SEMA6A: variants seen among roughly 807,000 people sequenced by gnomAD.
SEMA6A encodes the protein semaphorin-6A.
SEMA6A carries 25 observed loss-of-function variants against 96.8 expected under a neutral mutation model. That is an observed-to-expected ratio of 0.26 (90% confidence interval 0.19 to 0.36). The LOEUF is 0.36. SEMA6A is among the 10% of genes least tolerant of loss of function. The pLI is 1.00. For synonymous variants in SEMA6A, 612 were observed against 518.0 expected (o/e 1.18, Z -2.46); for missense variants, 1,363 against 1,323.1 (o/e 1.03, Z -0.47).
chr5:116,446,493 T>A lies in SEMA6A; in HGVS notation c.*120A>T. The A allele has an allele frequency of 1.1e-6, 1 of 877,286 alleles. No individual in the cohort carries two copies. Among genetic ancestry groups the A allele is most frequent in the Non-Finnish European group, 1.7e-6 (1 of 598,818 alleles). 54.3% of individuals were successfully genotyped at this position (877,286 alleles called of 1,614,324 possible). A position where few individuals can be genotyped will look rare whatever the true frequency, so the allele number is the denominator to read the frequency against. On this transcript the variant is annotated 3_prime_UTR_variant, in exon 19 of 19. Transcript: ENST00000343348. ...TCCCAGAGAGGAGGACCCAGCGTCCTCGGCTCTGCCGCAGGCCTTCTTGGT... is the reference window on the plus strand; with the variant it reads ...TCCCAGAGAGGAGGACCCAGCGTCCACGGCTCTGCCGCAGGCCTTCTTGGT...
chr5:116,570,480 A>G (rs1482087207), intron 1 of SEMA6A, among the ~76,000 whole-genome samples: 1 of 152,212 alleles, frequency 6.6e-6, no homozygotes, highest in Non-Finnish European at 1.5e-5. Flanking sequence ...CTCTAGGAGG[A>G]CAGAAAATTG....
chr5:116,488,985 T>G lies in SEMA6A; in HGVS notation c.558A>C (p.Thr186=). Residue 186 remains threonine (T), a synonymous_variant, in exon 8 of 19, where the codon ACA becomes ACC. Transcript: ENST00000343348. Reference sequence around the variant, plus strand: ...CGTCAATGGCAAGGAAGTCAGTCACTGTGGCTGAGTATAGTTTTCCATCTT... The same window carrying G: ...CGTCAATGGCAAGGAAGTCAGTCACGGTGGCTGAGTATAGTTTTCCATCTT... ...LFADGKLYSA[T]VTDFLAIDAV... 4 of 1,574,996 alleles carry G rather than the reference T, an allele frequency of 2.5e-6. No homozygotes were observed. The highest frequency in any genetic ancestry group is 2.6e-6 in the Non-Finnish European group (3 of 1,158,734).
At chr5:116,490,012 C>G (rs1757256868) in intron 7 of SEMA6A, among the ~76,000 whole-genome samples, 1 of 151,968 alleles carries the variant, frequency 6.6e-6, no homozygotes, top group Admixed American at 6.5e-5. Context: ...ACTGTTCAAG[C>G]TCTTTTATAT....
At chr5:116,518,223 T>C (rs1362591935) in intron 1 of SEMA6A, among the ~76,000 whole-genome samples, 1 of 152,158 alleles carries the variant, frequency 6.6e-6, no homozygotes, top group Non-Finnish European at 1.5e-5. Flanking sequence ...TGAGGTGCCC[T>C]CCACTGGCTG....
At chr5:116,528,676 T>G (rs1259131130) in intron 1 of SEMA6A, among the ~76,000 whole-genome samples, 1 of 152,178 alleles carries the variant, frequency 6.6e-6, no homozygotes, top group Admixed American at 6.5e-5. Flanking sequence ...CAGCAGCAGT[T>G]GCCTAAGTTG....
chr5:116,565,128 AT>A (rs1294585134), intron 1 of SEMA6A, among the ~76,000 whole-genome samples: 7 of 152,180 alleles, frequency 4.6e-5, no homozygotes, highest in Admixed American at 1.3e-4. Flanking sequence ...TCTGTACTGT[AT>A]TTTTATTTAT....
intron 1 of SEMA6A, among the ~76,000 whole-genome samples, chr5:116,547,393 T>C (rs1760228928): frequency 6.6e-6 from 1 of 152,186 alleles, no homozygotes; most frequent in Non-Finnish European, 1.5e-5. Flanking sequence ...TTTTTAAAGA[T>C]TCAAACATAG....
intron 18 of SEMA6A, among the ~76,000 whole-genome samples, chr5:116,465,262 A>G (rs1331560319): frequency 6.6e-6 from 1 of 152,242 alleles, no homozygotes; most frequent in Admixed American, 6.5e-5. Flanking sequence ...TTTCCAACGG[A>G]GTAACGCCAT....
At chr5:116,478,449 T>G in intron 13 of SEMA6A, 93 bp downstream of exon 13, 2 of 1,323,804 alleles carry the variant, frequency 1.5e-6, no homozygotes, top group Admixed American at 2.8e-5. Flanking sequence ...TAAAAATGCA[T>G]AAAACCTCAG....
At chr5:116,464,112 A>C (rs1050502189) in intron 18 of SEMA6A, among the ~76,000 whole-genome samples, 1 of 152,250 alleles carries the variant, frequency 6.6e-6, no homozygotes, top group African/African-American at 2.4e-5. Flanking sequence ...ATCTAAAAAT[A>C]AACTGGATTT....
intron 1 of SEMA6A, among the ~76,000 whole-genome samples, chr5:116,527,485 A>C (rs1029498382): frequency 1.3e-5 from 2 of 152,198 alleles, no homozygotes; most frequent in Non-Finnish European, 2.9e-5. Context: ...GCACTTTCAA[A>C]ACAATGATCT....
At chr5:116,568,621 G>C (rs1015608586) in intron 1 of SEMA6A, among the ~76,000 whole-genome samples, 7 of 152,166 alleles carry the variant, frequency 4.6e-5, no homozygotes, top group Non-Finnish European at 7.3e-5. Context: ...CTGTTTCTTG[G>C]CAAGTTGATT....
At chr5:116,560,109 C>A (rs901517602) in intron 1 of SEMA6A, among the ~76,000 whole-genome samples, 22 of 152,182 alleles carry the variant, frequency 1.4e-4, no homozygotes, top group African/African-American at 5.3e-4. Flanking sequence ...CTGCTTTTCC[C>A]TTCACCCCAC....
At chr5:116,535,237 C>A (rs986994233) in intron 1 of SEMA6A, among the ~76,000 whole-genome samples, 2 of 152,068 alleles carry the variant, frequency 1.3e-5, no homozygotes, top group Non-Finnish European at 2.9e-5. Context: ...GATGGGGAGG[C>A]CAAAGTTAGA....
intron 2 of SEMA6A, among the ~76,000 whole-genome samples, chr5:116,503,948 C>T (rs912622039): frequency 1.3e-5 from 2 of 152,200 alleles, no homozygotes; most frequent in Non-Finnish European, 2.9e-5. Context: ...TTGAACTACA[C>T]ATTTGGTCTT....
At chr5:116,500,457 C>A (rs1757821563) in intron 3 of SEMA6A, among the ~76,000 whole-genome samples, 1 of 152,096 alleles carries the variant, frequency 6.6e-6, no homozygotes, top group South Asian at 2.1e-4. Flanking sequence ...GAATCTACAG[C>A]TATGTTTGTG....
At chr5:116,530,241 A>G (rs1759406108) in intron 1 of SEMA6A, among the ~76,000 whole-genome samples, 1 of 152,204 alleles carries the variant, frequency 6.6e-6, no homozygotes, top group African/African-American at 2.4e-5. Flanking sequence ...ATAAAAAGGC[A>G]CTATTGCTTC....
intron 6 of SEMA6A, among the ~76,000 whole-genome samples, chr5:116,492,724 G>T (rs996035094): frequency 2.0e-5 from 3 of 152,162 alleles, no homozygotes; most frequent in Non-Finnish European, 4.4e-5. Flanking sequence ...ATCAGGGCAT[G>T]GTAGAGAGGC....
intron 1 of SEMA6A, among the ~76,000 whole-genome samples, chr5:116,568,782 T>C (rs899661744): frequency 6.6e-6 from 1 of 151,732 alleles, no homozygotes; most frequent in African/African-American, 2.4e-5. Flanking sequence ...GTTCCACTAA[T>C]GATGCATGAG....
Sources: gnomAD v4.1 joint callset for allele counts (sites outside exome capture counted in the v4.1 genomes callset) on GRCh38, gnomAD v4.1.1 for gene constraint, MANE v1.5 for transcripts, NCBI Gene and HGNC (gene_info 2026-07-23, HGNC 2026-07-21) for gene names.